Variants in CCNI observed in about 807,000 individuals in gnomAD.
The protein encoded by CCNI is cyclin-I.
A neutral mutation model predicts 34.1 loss-of-function variants in CCNI; 14 were observed. The observed-to-expected ratio is 0.41, with a 90% CI of 0.27 to 0.64. The LOEUF (loss-of-function observed/expected upper bound fraction) is 0.64. CCNI is among the 30% of genes least tolerant of loss of function. The probability of loss-of-function intolerance (pLI) is 0.31; values close to 1 mark genes in which losing one functional copy is unlikely to be tolerated. For missense variants in CCNI, 385 were observed against 440.5 expected (o/e 0.87, Z 1.13); for synonymous variants, 154 against 158.4 (o/e 0.97, Z 0.21).
intron 1 of CCNI, among the ~76,000 whole-genome samples, chr4:77,070,652 G>A (rs1379943552): frequency 1.3e-4 from 20 of 152,098 alleles, no homozygotes; most frequent in Admixed American, 1.3e-3. Flanking sequence ...TGGTAGGCAA[G>A]CTCACTATAA....
At chr4:77,070,572 T>G (rs1041467953) in intron 1 of CCNI, among the ~76,000 whole-genome samples, 1 of 152,104 alleles carries the variant, frequency 6.6e-6, no homozygotes, top group Non-Finnish European at 1.5e-5. Flanking sequence ...CTATCCCTGT[T>G]GCATACTGCT....
At chr4:77,075,427 GC>G in intron 1 of CCNI, 44 bp downstream of exon 1, 1 of 848,580 alleles carries the variant, frequency 1.2e-6, no homozygotes, top group Non-Finnish European at 1.4e-6. Flanking sequence ...GTCGACGCCG[GC>G]CGCGGAGACG....
At chr4:77,071,321 A>G (rs1729450956) in intron 1 of CCNI, among the ~76,000 whole-genome samples, 1 of 152,226 alleles carries the variant, frequency 6.6e-6, no homozygotes, top group Admixed American at 6.5e-5. Context: ...AGTGAAAATG[A>G]AGATATACCA....
chr4:77,058,714 A>G, intron 2 of CCNI, 79 bp from the exon 3 acceptor site: 1 of 1,217,254 alleles, frequency 8.2e-7, no homozygotes, highest in Non-Finnish European at 1.2e-6. Flanking sequence ...TCTCTCATAA[A>G]AGGTTAGGTA....
At position 77,056,017 on chromosome 4, in the gene CCNI, A is replaced by G; in HGVS notation, c.404T>C (p.Leu135Pro). The change falls in exon 5 of 7, where the codon CTG (leucine) becomes CCG (proline). Residue 135 changes from leucine to proline, a missense_variant. Leu to Pro is a moderately conservative substitution (Grantham distance 98). This residue lies in a region of CCNI where 135 missense variants were observed against 191.8 expected (regional missense o/e 0.70). Coordinates refer to ENST00000237654, the MANE Select transcript of CCNI (RefSeq NM_006835.3). The part of the protein sequence containing the change: ...SEILRMERII[L>P]DKLNWDLHTA... ...GTGAAGATCCCAATTCAACTTATCC[A>G]GAATAATTCTCTCCATTCTCAAAAT... The G allele has an allele frequency of 6.2e-7, 1 of 1,613,560 alleles. No individual in the cohort carries two copies. The highest frequency in any genetic ancestry group is 8.5e-7 in the Non-Finnish European group (1 of 1,179,538).
At position 77,075,969 on chromosome 4, in the gene CCNI, C is replaced by G. The variant is rs541170386; in HGVS notation, c.-541G>C. 6.7e-6 allele frequency: 1 copy of G among 149,618 alleles called. No homozygotes were observed. The highest frequency in any genetic ancestry group is 2.1e-4 in the South Asian group (1 of 4,696). 9.3% of individuals were successfully genotyped at this position (149,618 alleles called of 1,614,324 possible). Reference sequence around the variant, plus strand: ...ACAGAGGCGCTGCCGCGTCCGCTCGCGGGGAAGGCTGGGGAGGGAGGGGAA... The same window carrying G: ...ACAGAGGCGCTGCCGCGTCCGCTCGGGGGGAAGGCTGGGGAGGGAGGGGAA... On this transcript the variant is annotated 5_prime_UTR_variant, in exon 1 of 7. Coordinates refer to ENST00000237654, the MANE Select transcript of CCNI (RefSeq NM_006835.3).
intron 1 of CCNI, among the ~76,000 whole-genome samples, chr4:77,070,731 CT>C (rs1479125996): frequency 6.6e-6 from 1 of 152,048 alleles, no homozygotes; most frequent in Admixed American, 6.5e-5. Context: ...TGGCTCATTC[CT>C]GTAATTCCAA....
rs4252924 is a variant in CCNI at position 77,051,948 on chromosome 4, T to G, written c.690+3202A>C. On this transcript the variant is annotated intron_variant, in intron 6 of 6. Coordinates refer to ENST00000237654, the MANE Select transcript of CCNI (RefSeq NM_006835.3). ...AGGAGACTGGTGGGGAGGGGTCTGT[T>G]TTTTTGTTTTTTTTTTTTTAAATTT... is the stretch of plus-strand genomic sequence containing the variant. Among the ~76,000 whole-genome samples the G allele has an allele frequency of 3.9e-4, 57 of 146,048 alleles. No individual in the cohort carries two copies. The East Asian group carries it at 9.9e-3, about 25-fold the overall frequency.
chr4:77,072,310 C>T (rs1291011493), intron 1 of CCNI, among the ~76,000 whole-genome samples: 1 of 151,626 alleles, frequency 6.6e-6, no homozygotes, highest in Non-Finnish European at 1.5e-5. Context: ...GTAAAATTTC[C>T]TTAAACTTTT....
At position 77,057,331 on chromosome 4, in the gene CCNI, A is replaced by G. The variant is rs1728312552; in HGVS notation, c.244-1008T>C. On this transcript the variant is annotated intron_variant, in intron 3 of 6. Coordinates refer to ENST00000237654, the MANE Select transcript of CCNI (RefSeq NM_006835.3). ...TTGCTGTGTTTATTAAACATTTGAA[A>G]CAAAGTTGGAGAAATTTGTGGAACA... Among the ~76,000 whole-genome samples the G allele has an allele frequency of 2.0e-5, 3 of 152,232 alleles. No homozygotes were observed. In the South Asian group the frequency reaches 6.2e-4, roughly 32 times the overall value.
In CCNI at chr4:77,075,838, C is replaced by G. The variant is rs1201283930; in HGVS notation, c.-410G>C. The G allele has an allele frequency of 7.2e-6, 1 of 138,648 alleles. No homozygotes were observed. Among genetic ancestry groups the G allele is most frequent in the Non-Finnish European group, 1.5e-5 (1 of 65,718 alleles). The allele number at this position is 138,648 out of a possible 1,614,324, so 8.6% of individuals were successfully genotyped here. A position where few individuals can be genotyped will look rare whatever the true frequency, so the allele number is the denominator to read the frequency against. On this transcript the variant is annotated 5_prime_UTR_variant, in exon 1 of 7. Transcript: ENST00000237654. ...GGGTGAGACCGGCTCTGCCCCTGCC[C>G]GGGGAAAGCGCCTCCGAGGGGAAAT...
At chr4:77,063,137 A>C (rs1471126892) in intron 2 of CCNI, among the ~76,000 whole-genome samples, 1 of 152,122 alleles carries the variant, frequency 6.6e-6, no homozygotes, top group Non-Finnish European at 1.5e-5. Flanking sequence ...GCCTGACCAC[A>C]CTGTCCTAAA....
At chr4:77,049,580 A>G (rs1727696807) in intron 6 of CCNI, among the ~76,000 whole-genome samples, 1 of 151,532 alleles carries the variant, frequency 6.6e-6, no homozygotes, top group Admixed American at 6.6e-5. Flanking sequence ...CAGGAGGCTG[A>G]GGCATGAGAA....
At chr4:77,051,454 T>C (rs573139111) in intron 6 of CCNI, among the ~76,000 whole-genome samples, 6 of 152,140 alleles carry the variant, frequency 3.9e-5, no homozygotes, top group Admixed American at 1.3e-4. Flanking sequence ...ACGAAGTAAA[T>C]AGAGTTATAT....
At chr4:77,054,991 C>A (rs996046835) in intron 6 of CCNI, among the ~76,000 whole-genome samples, 159 bp downstream of exon 6, 1 of 152,102 alleles carries the variant, frequency 6.6e-6, no homozygotes, top group Non-Finnish European at 1.5e-5. Flanking sequence ...AAAAAGAGAT[C>A]ACCTAGCCCG....
intron 1 of CCNI, among the ~76,000 whole-genome samples, chr4:77,071,250 T>C (rs968637390): frequency 3.7e-4 from 57 of 152,220 alleles, no homozygotes; most frequent in African/African-American, 1.4e-3. Context: ...TAACTTTTTT[T>C]AAAACAAAGG....
chr4:77,070,473 T>A (rs1266562108), intron 1 of CCNI, among the ~76,000 whole-genome samples: 1 of 146,166 alleles, frequency 6.8e-6, no homozygotes, highest in Non-Finnish European at 1.5e-5. Context: ...TTGGGTACTT[T>A]CTTTTTTTTT....
rs1451548736 is a variant in CCNI at position 77,075,920 on chromosome 4, G to T, written c.-492C>A. The stretch of plus-strand genomic sequence containing the variant: ...AAAAAAAAAAAAAGAAAGGGGAAAG[G>T]GGGGAAAAATAAGAAAAAGCGAGAC... On this transcript the variant is annotated 5_prime_UTR_variant, in exon 1 of 7. Transcript: ENST00000237654. The T allele has an allele frequency of 6.6e-6, 1 of 152,006 alleles. No homozygotes were observed. The highest frequency in any genetic ancestry group is 1.5e-5 in the Non-Finnish European group (1 of 68,002). 9.4% of individuals were successfully genotyped at this position (152,006 alleles called of 1,614,324 possible).
chr4:77,051,471 G>A (rs756439500), intron 6 of CCNI, among the ~76,000 whole-genome samples: 11 of 151,392 alleles, frequency 7.3e-5, no homozygotes, highest in African/African-American at 2.5e-4. Flanking sequence ...ATATTTTAGC[G>A]GTGGGAGACT....
Sources: gnomAD v4.1 joint callset for allele counts (sites outside exome capture counted in the v4.1 genomes callset) on GRCh38, gnomAD v4.1.1 for gene constraint, gnomAD v4.1.1 regional missense constraint, MANE v1.5 for transcripts, NCBI Gene and HGNC (gene_info 2026-07-23, HGNC 2026-07-21) for gene names.